HIVEP3: variants seen among roughly 807,000 people sequenced by gnomAD.
The protein encoded by HIVEP3 is transcription factor HIVEP3.
In HIVEP3, 49 loss-of-function variants were observed where a neutral mutation model predicts 152.8. The ratio of observed to expected loss-of-function variants is 0.32; its 90% CI spans 0.26 to 0.41. The LOEUF (loss-of-function observed/expected upper bound fraction) is 0.41. HIVEP3 is among the 10% of genes least tolerant of loss of function. The pLI, the probability that HIVEP3 is intolerant of heterozygous loss-of-function variation, is 1.00. For synonymous variants in HIVEP3, 1,269 were observed against 1,289.0 expected, an observed-to-expected ratio of 0.98 and a Z score of 0.33; for missense variants, 2,790 against 3,103.3, an observed-to-expected ratio of 0.90 and a Z score of 2.40.
At chr1:41,981,798 G>A (rs1279376752) in intron 1 of HIVEP3, among the ~76,000 whole-genome samples, 1 of 152,238 alleles carries the variant, frequency 6.6e-6, no homozygotes, top group Non-Finnish European at 1.5e-5. Flanking sequence ...TGAAGGAAGA[G>A]AAGGGAAAAT....
chr1:41,700,850 C>T (rs762261906), intron 2 of HIVEP3, 66 bp downstream of exon 2: 2 of 730,092 alleles, frequency 2.7e-6, no homozygotes, highest in Non-Finnish European at 3.3e-6. Context: ...CCTCAAAACA[C>T]AGCCTAATGG....
intron 1 of HIVEP3, among the ~76,000 whole-genome samples, chr1:41,979,500 T>C (rs1645283171): frequency 1.3e-5 from 2 of 152,202 alleles, no homozygotes; most frequent in Non-Finnish European, 2.9e-5. Flanking sequence ...AGTGCACACT[T>C]TTTCTTCAGG....
chr1:41,855,770 A>G (rs549606432), intron 1 of HIVEP3, among the ~76,000 whole-genome samples: 1 of 152,350 alleles, frequency 6.6e-6, no homozygotes, highest in Non-Finnish European at 1.5e-5. Context: ...ATGCTCACAG[A>G]GCCAGGCAGA....
At chr1:41,858,031 G>A (rs1643818009) in intron 1 of HIVEP3, among the ~76,000 whole-genome samples, 3 of 148,006 alleles carry the variant, frequency 2.0e-5, no homozygotes, top group Middle Eastern at 6.9e-3. Context: ...TGACCATAAA[G>A]GCTATGGTCA....
chr1:41,674,697 C>T (rs1645928164), intron 2 of HIVEP3, among the ~76,000 whole-genome samples: 1 of 152,188 alleles, frequency 6.6e-6, no homozygotes, highest in Admixed American at 6.5e-5. Flanking sequence ...AGGATGGAAT[C>T]CTCACGCTGA....
At chr1:41,899,327 G>GA (rs1352577656) in intron 1 of HIVEP3, among the ~76,000 whole-genome samples, 2 of 152,168 alleles carry the variant, frequency 1.3e-5, no homozygotes, top group Non-Finnish European at 2.9e-5. Flanking sequence ...TACCTAAAAA[G>GA]AAAAATTAAC....
chr1:41,804,997 C>T (rs1570574785), intron 1 of HIVEP3, among the ~76,000 whole-genome samples: 1 of 152,304 alleles, frequency 6.6e-6, no homozygotes, highest in East Asian at 1.9e-4. Context: ...GCACATGACC[C>T]ATGAGGCCAA....
intron 1 of HIVEP3, among the ~76,000 whole-genome samples, chr1:41,746,945 G>T (rs1049854266): frequency 1.3e-5 from 2 of 152,142 alleles, no homozygotes; most frequent in African/African-American, 4.8e-5. Flanking sequence ...AGGAGGGCCA[G>T]CATGTGACCT....
chr1:41,997,016 T>C (rs547233683), intron 1 of HIVEP3, among the ~76,000 whole-genome samples: 1 of 152,324 alleles, frequency 6.6e-6, no homozygotes, highest in East Asian at 1.9e-4. Flanking sequence ...TCCAGGATAA[T>C]CTTCCAGCCT....
At chr1:41,528,935 ACACT>A (rs1396103422) in intron 5 of HIVEP3, among the ~76,000 whole-genome samples, 1 of 61,306 alleles carries the variant, frequency 1.6e-5, no homozygotes, top group East Asian at 4.9e-4. Flanking sequence ...CCCCGCCCTC[ACACT>A]CACCTTCATG....
intron 1 of HIVEP3, among the ~76,000 whole-genome samples, chr1:41,737,043 T>C (rs710235): frequency 0.22 from 33,330 of 152,064 alleles, 9,523 homozygotes; most frequent in African/African-American, 0.66. Flanking sequence ...ATGTTCGAGG[T>C]CTTCTCCGCC....
intron 1 of HIVEP3, among the ~76,000 whole-genome samples, chr1:41,935,864 T>C (rs990379083): frequency 2.0e-5 from 3 of 151,556 alleles, no homozygotes; most frequent in African/African-American, 7.3e-5. Flanking sequence ...TATTCTAAGA[T>C]CATCTTAGAT....
intron 1 of HIVEP3, among the ~76,000 whole-genome samples, chr1:41,822,738 T>C (rs1642645155): frequency 6.6e-6 from 1 of 152,188 alleles, no homozygotes; most frequent in African/African-American, 2.4e-5. Context: ...CAAAACTGCT[T>C]GGTCTGGGAA....
chr1:42,017,515 G>C (rs1381558305), intron 1 of HIVEP3, among the ~76,000 whole-genome samples: 1 of 152,060 alleles, frequency 6.6e-6, no homozygotes, highest in African/African-American at 2.4e-5. Context: ...TCTATTACCA[G>C]AGATTAGTGC....
intron 1 of HIVEP3, among the ~76,000 whole-genome samples, chr1:41,928,322 T>A (rs1644978230): frequency 1.3e-5 from 2 of 152,282 alleles, no homozygotes; most frequent in African/African-American, 4.8e-5. Context: ...CTTCATTTAT[T>A]TCTTTCAGGG....
At chr1:41,861,999 C>T (rs74831825) in intron 1 of HIVEP3, among the ~76,000 whole-genome samples, 2,400 of 151,894 alleles carry the variant, frequency 0.016, 60 homozygotes, top group African/African-American at 0.054. Context: ...GGCCGGGGGG[C>T]GGATGAAGGA....
intron 1 of HIVEP3, among the ~76,000 whole-genome samples, chr1:41,787,449 A>G (rs1347752765): frequency 2.0e-5 from 3 of 151,812 alleles, no homozygotes; most frequent in Non-Finnish European, 4.4e-5. Context: ...ACGTATACTT[A>G]CGCCCCTTCC....
intron 1 of HIVEP3, among the ~76,000 whole-genome samples, chr1:41,863,271 C>A (rs529817287): frequency 5.3e-5 from 8 of 152,214 alleles, no homozygotes; most frequent in Admixed American, 3.9e-4. Flanking sequence ...AATGTGAGGG[C>A]AGGAAAAAGC....
intron 1 of HIVEP3, among the ~76,000 whole-genome samples, chr1:41,860,627 C>T (rs1484041187): frequency 4.6e-5 from 7 of 152,192 alleles, no homozygotes; most frequent in African/African-American, 1.4e-4. Context: ...ATGTATCTGA[C>T]GCCCTCCTTT....
Sources: gnomAD v4.1 joint callset for allele counts (sites outside exome capture counted in the v4.1 genomes callset) on GRCh38, gnomAD v4.1.1 for gene constraint, MANE v1.5 for transcripts, NCBI Gene and HGNC (gene_info 2026-07-23, HGNC 2026-07-21) for gene names.